EQTN: variants seen among roughly 807,000 people sequenced by gnomAD.
EQTN encodes equatorin.
Under a neutral mutation model 26.9 loss-of-function variants are expected in EQTN, and 29 were observed. The ratio of observed to expected loss-of-function variants is 1.08; its 90% CI spans 0.80 to 1.47. The LOEUF (loss-of-function observed/expected upper bound fraction) is 1.47, where lower values mean the gene tolerates loss of function less well. EQTN is among the 40% of genes most tolerant of loss of function. The pLI is 0.00. For synonymous variants in EQTN, 129 were observed against 120.0 expected (o/e 1.07, Z -0.49); for missense variants, 391 against 346.1 (o/e 1.13, Z -1.03).
At chr9:27,294,252 A>T (rs1283053188) in intron 3 of EQTN, 64 bp downstream of exon 3, 2 of 1,135,658 alleles carry the variant, frequency 1.8e-6, no homozygotes, top group Non-Finnish European at 2.6e-6. Flanking sequence ...ACAGTCTCTT[A>T]TTGCTGTTTT....
At chr9:27,286,114 G>T in intron 7 of EQTN, 95 bp downstream of exon 7, 1 of 1,219,464 alleles carries the variant, frequency 8.2e-7, no homozygotes, top group Non-Finnish European at 1.2e-6. Flanking sequence ...GATGAATTCA[G>T]AGGTCACATA....
At chr9:27,296,820 A>G in intron 1 of EQTN, 82 bp from the exon 2 acceptor site, 2 of 1,573,180 alleles carry the variant, frequency 1.3e-6, no homozygotes, top group South Asian at 2.4e-5. Flanking sequence ...CATTTTTTTC[A>G]CAAAGGATTA....
intron 7 of EQTN, among the ~76,000 whole-genome samples, chr9:27,285,920 A>T (rs1820110118): frequency 6.6e-6 from 1 of 152,220 alleles, no homozygotes; most frequent in African/African-American, 2.4e-5. Flanking sequence ...TCAGAACAAA[A>T]TATATTTGCT....
At chr9:27,287,717 GAC>G (rs1243314835) in intron 6 of EQTN, among the ~76,000 whole-genome samples, 1 of 152,290 alleles carries the variant, frequency 6.6e-6, no homozygotes, top group African/African-American at 2.4e-5. Context: ...TAGGAGAAAT[GAC>G]ACAGTATTTA....
intron 6 of EQTN, among the ~76,000 whole-genome samples, chr9:27,289,002 T>C (rs776652896): frequency 1.1e-4 from 16 of 152,152 alleles, no homozygotes; most frequent in Non-Finnish European, 2.2e-4. Flanking sequence ...CTGATGTAAA[T>C]TATGGACTTC....
intron 3 of EQTN, among the ~76,000 whole-genome samples, chr9:27,293,993 C>G (rs1238251619): frequency 6.6e-6 from 1 of 152,122 alleles, no homozygotes; most frequent in East Asian, 1.9e-4. Context: ...TCCTAGAATC[C>G]TAAATGTAGT....
intron 4 of EQTN, among the ~76,000 whole-genome samples, chr9:27,291,774 A>T (rs911838074): frequency 6.6e-6 from 1 of 152,220 alleles, no homozygotes; most frequent in African/African-American, 2.4e-5. Context: ...TACATTAGAA[A>T]CATACTTGGA....
In EQTN at chr9:27,287,890, G is replaced by C. The variant is rs148524849; in HGVS notation, c.482-1528C>G. On this transcript the variant is annotated intron_variant, in intron 6 of 7. Coordinates refer to ENST00000380032, the MANE Select transcript of EQTN (RefSeq NM_020641.3). The stretch of plus-strand genomic sequence containing the variant: ...ACAATCTTAGCTCACTGCAACCTCT[G>C]CCTCCCGGGTTCAAGTGATTCTCTT... 6.8e-4 allele frequency among the ~76,000 whole-genome samples: 104 copies of C among 152,262 alleles called. 2 individuals are homozygous for C. In the East Asian group the frequency reaches 0.016, roughly 24 times the overall value.
In EQTN at chr9:27,297,078, C is replaced by T; in HGVS notation, c.-23G>A. The T allele has an allele frequency of 2.6e-6, 4 of 1,560,556 alleles. No homozygotes were observed. Among genetic ancestry groups the T allele is most frequent in the Non-Finnish European group, 3.5e-6 (4 of 1,136,982 alleles). ...CATTGGGAAATTGAAGTGATTTATCCAGTAATCTAGTGCGTCTACCCAGAG... is the reference window on the plus strand; with the variant it reads ...CATTGGGAAATTGAAGTGATTTATCTAGTAATCTAGTGCGTCTACCCAGAG... On this transcript the variant is annotated 5_prime_UTR_variant, in exon 1 of 8. Coordinates refer to ENST00000380032, the MANE Select transcript of EQTN (RefSeq NM_020641.3).
chr9:27,294,576 A>G (rs542767953), intron 2 of EQTN, 174 bp from the exon 3 acceptor site: 9 of 394,354 alleles, frequency 2.3e-5, no homozygotes, highest in African/African-American at 1.4e-4. Flanking sequence ...GGTCAAATCT[A>G]AAACTCATTG....
intron 7 of EQTN, among the ~76,000 whole-genome samples, chr9:27,285,811 AC>A (rs770973217): frequency 6.6e-5 from 10 of 152,238 alleles, no homozygotes; most frequent in Non-Finnish European, 1.3e-4. Flanking sequence ...GAGCCTCTGG[AC>A]AGGTCTCACA....
intron 3 of EQTN, among the ~76,000 whole-genome samples, chr9:27,293,885 A>C (rs893418406): frequency 6.6e-6 from 1 of 152,222 alleles, no homozygotes. Flanking sequence ...CTCAATATTG[A>C]CATTGCCATA....
chr9:27,288,818 T>G (rs1417993978), intron 6 of EQTN, among the ~76,000 whole-genome samples: 1 of 152,108 alleles, frequency 6.6e-6, no homozygotes, highest in African/African-American at 2.4e-5. Flanking sequence ...ACTATAGCGA[T>G]AGTAAAAAGA....
At chr9:27,286,482 G>A (rs1043988777) in intron 6 of EQTN, 120 bp from the exon 7 acceptor site, 8 of 949,800 alleles carry the variant, frequency 8.4e-6, no homozygotes, top group Admixed American at 7.6e-5. Flanking sequence ...TTAACTGGCC[G>A]GTCTCCCATC....
intron 4 of EQTN, among the ~76,000 whole-genome samples, chr9:27,291,319 G>T (rs1820230768): frequency 6.6e-6 from 1 of 152,164 alleles, no homozygotes; most frequent in African/African-American, 2.4e-5. Flanking sequence ...AGGCGTTAAT[G>T]GAAATGCACA....
At chr9:27,293,963 T>G (rs1820286747) in intron 3 of EQTN, among the ~76,000 whole-genome samples, 1 of 152,204 alleles carries the variant, frequency 6.6e-6, no homozygotes, top group Non-Finnish European at 1.5e-5. Flanking sequence ...AAAACGTGGG[T>G]TTAAGAAAGA....
At chr9:27,289,524 T>G in intron 6 of EQTN, 148 bp downstream of exon 6, 1 of 533,150 alleles carries the variant, frequency 1.9e-6, no homozygotes, top group Non-Finnish European at 3.2e-6. Flanking sequence ...AATTTTTGTA[T>G]TTTTTGTAGA....
Position 27,290,974 on chromosome 9 carries a change from A to T in EQTN, c.421+45T>A, listed in dbSNP as rs369771274. 3.4e-5 allele frequency: 53 copies of T among 1,579,892 alleles called. No homozygotes were observed. In the South Asian group the frequency reaches 5.4e-4, roughly 16 times the overall value. On this transcript the variant is annotated intron_variant, in intron 5 of 7. Coordinates refer to ENST00000380032, the MANE Select transcript of EQTN (RefSeq NM_020641.3). ...TGATCTTAGCTCTAAGTAAGATTTT[A>T]GAAAACCAAAATGTTTCCCAAGCTA...
chr9:27,289,544 T>G, intron 6 of EQTN, 128 bp downstream of exon 6: 1 of 601,786 alleles, frequency 1.7e-6, no homozygotes, highest in Admixed American at 3.5e-5. Context: ...AGAAAAGGTT[T>G]TTGTCATGTT....
Sources: allele counts gnomAD v4.1 joint callset (sites outside exome capture counted in the v4.1 genomes callset), GRCh38; gene constraint gnomAD v4.1.1; transcripts MANE v1.5; gene names NCBI Gene and HGNC (gene_info 2026-07-23, HGNC 2026-07-21).